CSMD3: variants seen among roughly 807,000 people sequenced by gnomAD.
CSMD3 encodes the protein CUB and sushi domain-containing protein 3.
In CSMD3, 177 loss-of-function variants were observed where a neutral mutation model predicts 435.2. That is an observed-to-expected ratio of 0.41 (90% CI 0.36 to 0.46). CSMD3 has a LOEUF of 0.46. CSMD3 is among the 20% of genes least tolerant of loss of function. CSMD3 has a pLI of 0.34. For missense variants in CSMD3, 4,265 were observed against 4,504.6 expected (o/e 0.95, Z 1.52); for synonymous variants, 1,656 against 1,520.5 (o/e 1.09, Z -2.07).
At chr8:112,972,605 T>C (rs1205215025) in intron 7 of CSMD3, among the ~76,000 whole-genome samples, 1 of 151,952 alleles carries the variant, frequency 6.6e-6, no homozygotes, top group Non-Finnish European at 1.5e-5. Context: ...TGTGACAAAA[T>C]GTAGTTATCT....
intron 38 of CSMD3, among the ~76,000 whole-genome samples, chr8:112,377,264 A>G (rs113730109): frequency 3.9e-5 from 6 of 152,208 alleles, no homozygotes; most frequent in African/African-American, 1.4e-4. Context: ...AAATGAAAAA[A>G]TTCCTAGAAA....
intron 3 of CSMD3, among the ~76,000 whole-genome samples, chr8:113,262,989 C>T (rs189076236): frequency 9.5e-4 from 144 of 152,096 alleles, no homozygotes; most frequent in African/African-American, 3.3e-3. Flanking sequence ...AACCAATATA[C>T]ATGAGAATGA....
chr8:113,006,784 G>C (rs2086073541), intron 6 of CSMD3, among the ~76,000 whole-genome samples: 1 of 151,940 alleles, frequency 6.6e-6, no homozygotes. Context: ...AGGAGACTGG[G>C]ATATGGAGGG....
intron 35 of CSMD3, among the ~76,000 whole-genome samples, chr8:112,398,675 G>T (rs1367050514): frequency 6.6e-6 from 1 of 152,186 alleles, no homozygotes; most frequent in Non-Finnish European, 1.5e-5. Context: ...AGAGCCTGAG[G>T]TTTAAGGCCC....
intron 50 of CSMD3, among the ~76,000 whole-genome samples, chr8:112,309,865 T>C (rs543614070): frequency 3.3e-5 from 5 of 152,290 alleles, no homozygotes; most frequent in Admixed American, 6.5e-5. Context: ...TAACTTATTA[T>C]TGGTTGATTT....
intron 45 of CSMD3, among the ~76,000 whole-genome samples, chr8:112,326,846 AC>A (rs1823561609): frequency 6.6e-6 from 1 of 152,002 alleles, no homozygotes; most frequent in African/African-American, 2.4e-5. Context: ...GACAGGTGAA[AC>A]CCTGCCTCTA....
At chr8:112,479,808 G>A (rs906772351) in intron 31 of CSMD3, among the ~76,000 whole-genome samples, 9 of 152,342 alleles carry the variant, frequency 5.9e-5, no homozygotes, top group East Asian at 1.9e-4. Context: ...CTGCTATAGG[G>A]TTGGAGCCCC....
At chr8:113,428,698 A>G (rs2094651535) in intron 1 of CSMD3, among the ~76,000 whole-genome samples, 1 of 151,896 alleles carries the variant, frequency 6.6e-6, no homozygotes, top group Non-Finnish European at 1.5e-5. Context: ...TTCCCAAAAC[A>G]TAAGAATGTC....
chr8:112,806,461 T>C (rs1203634898), intron 12 of CSMD3, among the ~76,000 whole-genome samples: 1 of 152,184 alleles, frequency 6.6e-6, no homozygotes, highest in Non-Finnish European at 1.5e-5. Flanking sequence ...CAGTCACTTA[T>C]ATGCGCGTCC....
At chr8:113,013,175 T>C (rs1250132359) in intron 6 of CSMD3, among the ~76,000 whole-genome samples, 3 of 152,140 alleles carry the variant, frequency 2.0e-5, no homozygotes, top group Non-Finnish European at 4.4e-5. Flanking sequence ...TTCTCAGTTT[T>C]ACTTACAAAC....
chr8:112,259,973 C>T (rs1563701378), intron 61 of CSMD3, among the ~76,000 whole-genome samples: 1 of 152,036 alleles, frequency 6.6e-6, no homozygotes. Context: ...CTCCTCAATC[C>T]CCCAGTACCC....
intron 5 of CSMD3, among the ~76,000 whole-genome samples, chr8:113,026,132 A>G (rs1271344381): frequency 2.6e-5 from 4 of 152,302 alleles, no homozygotes; most frequent in Non-Finnish European, 5.9e-5. Context: ...ATTCAGAGGC[A>G]GTGAGGACTG....
At chr8:113,290,455 C>G (rs200186576) in intron 2 of CSMD3, among the ~76,000 whole-genome samples, 1 of 151,618 alleles carries the variant, frequency 6.6e-6, no homozygotes, top group African/African-American at 2.4e-5. Flanking sequence ...ATTACTCTTA[C>G]AAGATACATA....
intron 1 of CSMD3, among the ~76,000 whole-genome samples, chr8:113,420,399 AT>A (rs1321978692): frequency 4.6e-5 from 7 of 152,158 alleles, no homozygotes; most frequent in Admixed American, 1.3e-4. Context: ...CTTAAAAAAA[AT>A]GTTATACATA....
intron 4 of CSMD3, among the ~76,000 whole-genome samples, chr8:113,118,176 T>A (rs1564335340): frequency 1.3e-5 from 2 of 152,216 alleles, no homozygotes. Flanking sequence ...GTAATAGATT[T>A]TTTTACCGTT....
intron 6 of CSMD3, among the ~76,000 whole-genome samples, chr8:112,985,567 C>T (rs933426282): frequency 6.6e-6 from 1 of 152,106 alleles, no homozygotes; most frequent in Non-Finnish European, 1.5e-5. Context: ...CGGACTGGTA[C>T]CAGTCCTTCG....
intron 27 of CSMD3, among the ~76,000 whole-genome samples, chr8:112,536,523 GTGC>G (rs1245309202): frequency 2.0e-5 from 3 of 150,378 alleles, no homozygotes; most frequent in Non-Finnish European, 4.5e-5. Context: ...CAGGAAACAA[GTGC>G]TGGAGAGGAT....
chr8:112,800,433 A>G (rs1351741374), intron 12 of CSMD3, among the ~76,000 whole-genome samples, 159 bp from the exon 13 acceptor site: 2 of 152,038 alleles, frequency 1.3e-5, no homozygotes, highest in Non-Finnish European at 2.9e-5. Context: ...AAAAAACTAC[A>G]CAATTTAGTG....
At chr8:112,270,852 A>T (rs1313534275) in intron 59 of CSMD3, among the ~76,000 whole-genome samples, 1 of 152,202 alleles carries the variant, frequency 6.6e-6, no homozygotes, top group East Asian at 1.9e-4. Flanking sequence ...TAAAGTGACC[A>T]AAATCTTATA....
Sources: allele counts gnomAD v4.1 joint callset (sites outside exome capture counted in the v4.1 genomes callset), GRCh38; gene constraint gnomAD v4.1.1; transcripts MANE v1.5; gene names NCBI Gene and HGNC (gene_info 2026-07-23, HGNC 2026-07-21).